The following SPECC1 variants were observed in gnomAD, a reference collection of about 807,000 sequenced individuals.
The protein encoded by SPECC1 is cytospin-B.
A neutral mutation model predicts 104.1 loss-of-function variants in SPECC1; 62 were observed. The observed-to-expected ratio is 0.60, with a 90% confidence interval of 0.49 to 0.74. The LOEUF (loss-of-function observed/expected upper bound fraction) is 0.74. Among genes scored for constraint, SPECC1 ranks in the 30% least tolerant of loss-of-function variants. SPECC1 has a pLI of 0.00. For missense variants in SPECC1, 1,306 were observed against 1,310.5 expected (o/e 1.00, Z 0.05); for synonymous variants, 513 against 501.6 (o/e 1.02, Z -0.30).
At chr17:20,294,663 CTGATGAT>C (rs1288581371) in intron 12 of SPECC1, among the ~76,000 whole-genome samples, 10 of 58,312 alleles carry the variant, frequency 1.7e-4, no homozygotes, top group Non-Finnish European at 3.6e-4. Context: ...TATGAAGGTA[CTGATGAT>C]GGTGGTGGGG....
intron 12 of SPECC1, among the ~76,000 whole-genome samples, chr17:20,286,010 C>T (rs559761449): frequency 2.6e-5 from 4 of 152,208 alleles, no homozygotes; most frequent in South Asian, 4.2e-4. Flanking sequence ...GACAGGGTCC[C>T]GCCATGTTGC....
chr17:20,064,509 G>A (rs57851863), intron 1 of SPECC1, among the ~76,000 whole-genome samples: 4 of 152,198 alleles, frequency 2.6e-5, no homozygotes, highest in Admixed American at 1.3e-4. Flanking sequence ...GTGGGTGGCA[G>A]GTACATGACG....
chr17:20,247,037 T>C (rs980681748), intron 8 of SPECC1, among the ~76,000 whole-genome samples, 182 bp from the exon 9 acceptor site: 11 of 152,222 alleles, frequency 7.2e-5, no homozygotes, highest in African/African-American at 2.2e-4. Flanking sequence ...CTCAGCTAAA[T>C]CTTCCCTTCT....
At chr17:20,226,691 A>C (rs2038228051) in intron 4 of SPECC1, among the ~76,000 whole-genome samples, 3 of 152,204 alleles carry the variant, frequency 2.0e-5, no homozygotes, top group South Asian at 4.1e-4. Context: ...ACAATTAAAA[A>C]ATTGAACAGA....
intron 11 of SPECC1, among the ~76,000 whole-genome samples, chr17:20,259,451 A>G (rs571504939): frequency 4.6e-5 from 7 of 152,320 alleles, no homozygotes; most frequent in African/African-American, 1.7e-4. Context: ...TGACATAAAC[A>G]ATGGCAAGAT....
At chr17:20,164,231 T>C (rs185500006) in intron 3 of SPECC1, among the ~76,000 whole-genome samples, 69 of 151,600 alleles carry the variant, frequency 4.6e-4, no homozygotes, top group African/African-American at 1.5e-3. Flanking sequence ...TGGAGTGCAG[T>C]GGTGCGATGC....
chr17:20,013,644 G>A (rs898949942), intron 1 of SPECC1, among the ~76,000 whole-genome samples: 1 of 152,106 alleles, frequency 6.6e-6, no homozygotes, highest in Non-Finnish European at 1.5e-5. Flanking sequence ...TGGAATTACA[G>A]GCCTGCAACC....
intron 3 of SPECC1, among the ~76,000 whole-genome samples, chr17:20,197,934 T>C (rs79347522): frequency 0.013 from 2,008 of 152,228 alleles, 44 homozygotes; most frequent in East Asian, 0.084. Context: ...TACTGATTTT[T>C]CCCCCCATTC....
chr17:20,131,724 A>G (rs1184053293), intron 3 of SPECC1, among the ~76,000 whole-genome samples: 2 of 145,110 alleles, frequency 1.4e-5, no homozygotes, highest in Non-Finnish European at 3.0e-5. Context: ...ATTTCGGCTC[A>G]CTGCAACCTC....
At chr17:20,197,888 T>G (rs2036142641) in intron 3 of SPECC1, among the ~76,000 whole-genome samples, 1 of 152,224 alleles carries the variant, frequency 6.6e-6, no homozygotes, top group Non-Finnish European at 1.5e-5. Context: ...TTAGAATTTT[T>G]TTTTGCATTA....
At chr17:20,300,339 C>T (rs575181350) in intron 13 of SPECC1, among the ~76,000 whole-genome samples, 1 of 152,318 alleles carries the variant, frequency 6.6e-6, no homozygotes, top group South Asian at 2.1e-4. Context: ...TGCATTTATT[C>T]CCTCCCTGCC....
At chr17:20,102,671 C>G (rs892755937) in intron 2 of SPECC1, among the ~76,000 whole-genome samples, 3 of 152,128 alleles carry the variant, frequency 2.0e-5, no homozygotes, top group African/African-American at 7.2e-5. Flanking sequence ...GATGGATTTA[C>G]CGAAGAAGAG....
chr17:20,090,060 C>T lies in SPECC1; in HGVS notation c.-21-6571C>T, dbSNP rs529122364. On this transcript the variant is annotated intron_variant, in intron 1 of 14. Transcript: ENST00000395527. Reference sequence around the variant, plus strand: ...AGGAGAGGCATACGTATGAGACCGTCTCAGACTAGGAGAAGATTTTCTGGA... The same window carrying T: ...AGGAGAGGCATACGTATGAGACCGTTTCAGACTAGGAGAAGATTTTCTGGA... 1.7e-4 allele frequency among the ~76,000 whole-genome samples: 26 copies of T among 152,330 alleles called. 1 individual carries two copies. Among genetic ancestry groups the T allele is most frequent in the South Asian group, 1.0e-3 (5 of 4,826 alleles).
chr17:20,142,135 T>G (rs754623182), intron 3 of SPECC1, among the ~76,000 whole-genome samples: 15 of 152,262 alleles, frequency 9.9e-5, no homozygotes, highest in Non-Finnish European at 2.2e-4. Context: ...TTCTGTTACA[T>G]TCAGCATAGT....
At chr17:20,179,342 G>A (rs2034701726) in intron 3 of SPECC1, among the ~76,000 whole-genome samples, 1 of 152,268 alleles carries the variant, frequency 6.6e-6, no homozygotes, top group African/African-American at 2.4e-5. Flanking sequence ...TCTTGCTGCA[G>A]CTACCATTCT....
chr17:20,155,388 A>C (rs1276087035), intron 3 of SPECC1: 1 of 152,106 alleles, frequency 6.6e-6, no homozygotes, highest in East Asian at 1.9e-4. Context: ...AGTCCTAAAT[A>C]TTTTTACTGC....
chr17:20,148,989 T>G (rs1433644090), intron 3 of SPECC1, among the ~76,000 whole-genome samples: 1 of 152,202 alleles, frequency 6.6e-6, no homozygotes, highest in Non-Finnish European at 1.5e-5. Context: ...CCCAAAGTGC[T>G]GGGATTACAG....
At chr17:20,220,485 T>A (rs1462055297) in intron 4 of SPECC1, among the ~76,000 whole-genome samples, 1 of 152,092 alleles carries the variant, frequency 6.6e-6, no homozygotes, top group African/African-American at 2.4e-5. Context: ...ACTGTTGGCA[T>A]ATAAAAATGC....
intron 4 of SPECC1, among the ~76,000 whole-genome samples, chr17:20,218,938 A>T (rs111837052): frequency 0.12 from 17,659 of 151,210 alleles, 1,060 homozygotes; most frequent in Non-Finnish European, 0.13. Flanking sequence ...TTCACTTAAC[A>T]TAATGATTTC....
Sources: allele counts gnomAD v4.1 joint callset (sites outside exome capture counted in the v4.1 genomes callset), GRCh38; gene constraint gnomAD v4.1.1; transcripts MANE v1.5; gene names NCBI Gene and HGNC (gene_info 2026-07-23, HGNC 2026-07-21).